Variants in HEMK2 observed in about 807,000 individuals in gnomAD.
HEMK2 encodes HemK methyltransferase 2, ETF1 glutamine and histone H4 lysine, also known as methyltransferase HEMK2.
chr21:28,814,243 A>C, the HEMK2 span, among the ~76,000 whole-genome samples: 1 of 152,194 alleles, frequency 6.6e-6, no homozygotes, highest in Admixed American at 6.5e-5. Flanking sequence ...TCTCAAAAAA[A>C]ACACTTGAAT....
At chr21:28,756,317 G>A in the HEMK2 span, among the ~76,000 whole-genome samples, 5 of 152,198 alleles carry the variant, frequency 3.3e-5, no homozygotes, top group South Asian at 1.0e-3. Context: ...CCTTCCTACA[G>A]AGGCAGATCA....
At chr21:28,807,085 CAT>C in the HEMK2 span, among the ~76,000 whole-genome samples, 10 of 152,278 alleles carry the variant, frequency 6.6e-5, no homozygotes, top group Admixed American at 5.2e-4. Context: ...CCATTTATAT[CAT>C]ATGACTTCCA....
At chr21:28,620,660 C>CTTATTTTT in the HEMK2 span, among the ~76,000 whole-genome samples, 1 of 49,642 alleles carries the variant, frequency 2.0e-5, no homozygotes, top group Non-Finnish European at 3.3e-5. Context: ...TCTCTCTTTT[C>CTTATTTTT]TTTTTTTTTT....
At chr21:28,688,717 T>C in the HEMK2 span, among the ~76,000 whole-genome samples, 1 of 152,286 alleles carries the variant, frequency 6.6e-6, no homozygotes, top group South Asian at 2.1e-4. Flanking sequence ...TTCTAAGAAA[T>C]GTTTATGCTA....
chr21:28,705,502 T>A, the HEMK2 span, among the ~76,000 whole-genome samples: 3 of 152,204 alleles, frequency 2.0e-5, no homozygotes, highest in African/African-American at 4.8e-5. Flanking sequence ...TCTTCTCTTA[T>A]TACTTGGTTA....
At chr21:28,880,652 A>C in the HEMK2 span, among the ~76,000 whole-genome samples, 1 of 151,948 alleles carries the variant, frequency 6.6e-6, no homozygotes, top group Non-Finnish European at 1.5e-5. Context: ...CTGAGGCAGG[A>C]TAATTGCTTG....
the HEMK2 span, among the ~76,000 whole-genome samples, chr21:28,610,518 C>A: frequency 1.3e-5 from 2 of 151,854 alleles, no homozygotes; most frequent in African/African-American, 4.8e-5. Flanking sequence ...ATTCAGGCAA[C>A]AAATAACATG....
At chr21:28,609,565 AGG>A in the HEMK2 span, among the ~76,000 whole-genome samples, 2 of 126,430 alleles carry the variant, frequency 1.6e-5, no homozygotes, top group Non-Finnish European at 3.2e-5. Flanking sequence ...CTGAATTGCC[AGG>A]AAAAAAAAAA....
At chr21:28,663,005 C>T in the HEMK2 span, among the ~76,000 whole-genome samples, 2 of 152,094 alleles carry the variant, frequency 1.3e-5, no homozygotes, top group African/African-American at 4.8e-5. Flanking sequence ...GCACCTCCAG[C>T]ACTGATCCAG....
chr21:28,679,545 A>T, the HEMK2 span, among the ~76,000 whole-genome samples: 1 of 152,138 alleles, frequency 6.6e-6, no homozygotes, highest in African/African-American at 2.4e-5. Context: ...CCGCACCAAG[A>T]GGACCTAATA....
At chr21:28,716,605 T>G in the HEMK2 span, among the ~76,000 whole-genome samples, 3 of 152,214 alleles carry the variant, frequency 2.0e-5, no homozygotes, top group Non-Finnish European at 4.4e-5. Flanking sequence ...CCTATATGGA[T>G]GCTTCTTATT....
the HEMK2 span, among the ~76,000 whole-genome samples, chr21:28,788,818 G>A: frequency 2.0e-5 from 3 of 151,986 alleles, no homozygotes; most frequent in African/African-American, 7.3e-5. Flanking sequence ...GATGTAATCA[G>A]TTAAGATGAG....
chr21:28,679,195 G>A, the HEMK2 span, among the ~76,000 whole-genome samples: 6 of 152,254 alleles, frequency 3.9e-5, no homozygotes, highest in African/African-American at 1.4e-4. Context: ...AAGGGATGGA[G>A]GAAGATCTAC....
chr21:28,880,489 T>C, the HEMK2 span, among the ~76,000 whole-genome samples: 7 of 152,150 alleles, frequency 4.6e-5, no homozygotes, highest in Non-Finnish European at 8.8e-5. Context: ...CCCAGCACTT[T>C]AGGAGGCCGA....
At chr21:28,636,162 T>C in the HEMK2 span, among the ~76,000 whole-genome samples, 5 of 152,180 alleles carry the variant, frequency 3.3e-5, no homozygotes, top group African/African-American at 1.2e-4. Flanking sequence ...ACATTGAGTA[T>C]CTTCAGTACA....
the HEMK2 span, among the ~76,000 whole-genome samples, chr21:28,586,570 G>A: frequency 6.6e-6 from 1 of 152,100 alleles, no homozygotes; most frequent in Non-Finnish European, 1.5e-5. Context: ...ATCCTATAAC[G>A]CCATGCCTCT....
At chr21:28,841,391 AATATTATATATATAATATAT>A in the HEMK2 span, among the ~76,000 whole-genome samples, 3 of 29,252 alleles carry the variant, frequency 1.0e-4, no homozygotes, top group African/African-American at 2.3e-4. Context: ...TAATATATAA[AATATTATATATATAATATAT>A]ATATTATATA....
At chr21:28,811,266 GAA>G in the HEMK2 span, among the ~76,000 whole-genome samples, 1 of 137,148 alleles carries the variant, frequency 7.3e-6, no homozygotes, top group Admixed American at 8.1e-5. Flanking sequence ...AAGAAAGAAA[GAA>G]AGAGAAAGAA....
At chr21:28,588,144 T>C in the HEMK2 span, among the ~76,000 whole-genome samples, 1 of 152,204 alleles carries the variant, frequency 6.6e-6, no homozygotes, top group Non-Finnish European at 1.5e-5. Flanking sequence ...ATAAATTATG[T>C]GGCAAATAAA....
Sources: gnomAD v4.1 joint callset for allele counts (sites outside exome capture counted in the v4.1 genomes callset) on GRCh38, gnomAD v4.1.1 for gene constraint, MANE v1.5 for transcripts, NCBI Gene and HGNC (gene_info 2026-07-23, HGNC 2026-07-21) for gene names.